ZNF320: variants seen among roughly 807,000 people sequenced by gnomAD.
The protein encoded by ZNF320 is zinc finger gene 320.
In ZNF320, 2 loss-of-function variants were observed where a neutral mutation model predicts 6.8. That is an observed-to-expected ratio of 0.29 (90% CI 0.12 to 0.93). The LOEUF (loss-of-function observed/expected upper bound fraction) is 0.93, where lower values mean the gene tolerates loss of function less well. Among genes scored for constraint, ZNF320 ranks in the 40% least tolerant of loss-of-function variants. The pLI is 0.55. For synonymous variants in ZNF320, 208 were observed against 203.2 expected (o/e 1.02, Z -0.20); for missense variants, 472 against 611.0 (o/e 0.77, Z 2.40).
rs757081122 is a variant in ZNF320 at position 52,880,531 on chromosome 19, G to A, written c.*65C>T. 6.8e-6 allele frequency: 10 copies of A among 1,466,936 alleles called. No homozygotes were observed. The highest frequency in any genetic ancestry group is 5.3e-5 in the South Asian group (4 of 76,088). The allele number at this position is 1,466,936 out of a possible 1,614,324, so 90.9% of individuals were successfully genotyped here. ...CTCTTAACATAAACAGTTTAATGTCGATTAATGCTTGAAATCAATGTTAAG... is the reference window on the plus strand; with the variant it reads ...CTCTTAACATAAACAGTTTAATGTCAATTAATGCTTGAAATCAATGTTAAG... On this transcript the variant is annotated 3_prime_UTR_variant, in exon 6 of 6. Transcript: ENST00000682928.
chr19:52,902,440 T>G (rs1039454551), upstream of ZNF320, among the ~76,000 whole-genome samples: 16 of 152,250 alleles, frequency 1.1e-4, no homozygotes, highest in Non-Finnish European at 2.9e-5. Context: ...TGCACAAGCA[T>G]AACAATTGCT....
chr19:52,886,618 G>T (rs34758976), intron 5 of ZNF320, among the ~76,000 whole-genome samples: 22,252 of 152,082 alleles, frequency 0.15, 1,811 homozygotes, highest in East Asian at 0.27. Context: ...TGTTTACTAA[G>T]AACTAAAAGA....
Position 52,881,515 on chromosome 19 carries a change from A to G in ZNF320, c.611T>C (p.Leu204Pro), listed in dbSNP as rs144964547. 1,141 of 1,614,114 alleles carry G rather than the reference A, an allele frequency of 7.1e-4. 5 individuals are homozygous for G. The Middle Eastern group carries it at 7.1e-3, about 10-fold the overall frequency. ...CCTGTGAATTCTAGTATGTTTTGCC[A>G]GGTGTGAATCATGCTTAAAAGCCTT... is the stretch of plus-strand genomic sequence containing the variant. ...CDKAFKHDSH[L>P]AKHTRIHRGD... Residue 204 changes from leucine to proline, a missense_variant, in exon 6 of 6, where the codon CTG becomes CCG. Physicochemically the swap from Leu to Pro is moderately conservative, Grantham distance 98. Transcript: ENST00000682928.
upstream of ZNF320, among the ~76,000 whole-genome samples, chr19:52,902,141 G>A (rs556769987): frequency 1.4e-3 from 218 of 152,252 alleles, no homozygotes; most frequent in African/African-American, 4.8e-3. Context: ...AGGGCTGACC[G>A]ATTGATAAGC....
At chr19:52,884,671 C>G (rs867601250) in intron 5 of ZNF320, among the ~76,000 whole-genome samples, 8 of 152,136 alleles carry the variant, frequency 5.3e-5, no homozygotes, top group Middle Eastern at 3.4e-3. Context: ...AGACTGTTTT[C>G]AAACTCCTGA....
intron 5 of ZNF320, among the ~76,000 whole-genome samples, chr19:52,866,078 TTATACATATATTTATATA>T: frequency 1.2e-5 from 1 of 80,086 alleles, no homozygotes; most frequent in Non-Finnish European, 2.4e-5. Context: ...ATATATATGA[TTATACATATATTTATATA>T]TGTATGATTA....
At chr19:52,872,525 C>T (rs890646139), downstream of ZNF320, among the ~76,000 whole-genome samples, 4 of 152,140 alleles carry the variant, frequency 2.6e-5, no homozygotes, top group Non-Finnish European at 5.9e-5. Flanking sequence ...TTATTTGAGA[C>T]AGAGTTTTGC....
At chr19:52,887,269 C>G (rs1401864468) in intron 5 of ZNF320, among the ~76,000 whole-genome samples, 2 of 152,068 alleles carry the variant, frequency 1.3e-5, no homozygotes, top group Non-Finnish European at 2.9e-5. Flanking sequence ...TCACTTAACT[C>G]TCCACAGTCC....
chr19:52,871,972 C>T (rs528991443), downstream of ZNF320, among the ~76,000 whole-genome samples: 42 of 152,328 alleles, frequency 2.8e-4, 1 homozygote, highest in South Asian at 8.1e-3. Flanking sequence ...CCCCCTTCGT[C>T]TTCATTACTG....
chr19:52,878,090 C>G lies in ZNF320; in HGVS notation c.*2506G>C. On this transcript the variant is annotated 3_prime_UTR_variant, in exon 6 of 6. Transcript: ENST00000682928. Reference sequence around the variant, plus strand: ...TGACATTTTCAGCTTGATATGGTAACGTGACTGAATCTTCAGACAGCATGA... The same window carrying G: ...TGACATTTTCAGCTTGATATGGTAAGGTGACTGAATCTTCAGACAGCATGA... 4.9e-6 allele frequency: 1 copy of G among 202,460 alleles called. No homozygotes were observed. The highest frequency in any genetic ancestry group is 9.5e-5 in the South Asian group (1 of 10,582). The allele number at this position is 202,460 out of a possible 1,614,324, so 12.5% of individuals were successfully genotyped here.
intron 5 of ZNF320, among the ~76,000 whole-genome samples, chr19:52,882,948 A>AG (rs1444588858): frequency 6.6e-6 from 1 of 152,174 alleles, no homozygotes; most frequent in Non-Finnish European, 1.5e-5. Flanking sequence ...CTCAAAAAAA[A>AG]AAGAAAATGT....
At chr19:52,870,510 A>G (rs554993763) in intron 5 of ZNF320, among the ~76,000 whole-genome samples, 1 of 149,682 alleles carries the variant, frequency 6.7e-6, no homozygotes, top group African/African-American at 2.4e-5. Flanking sequence ...AATACTTAAG[A>G]TCATTACAAT....
At chr19:52,902,234 T>A (rs1425068597), upstream of ZNF320, among the ~76,000 whole-genome samples, 1 of 152,212 alleles carries the variant, frequency 6.6e-6, no homozygotes, top group African/African-American at 2.4e-5. Flanking sequence ...ATACAAGAAG[T>A]GAACTTAGTA....
At position 52,886,976 on chromosome 19, in the gene ZNF320, A is replaced by AGG. The variant is rs1381379480; in HGVS notation, c.142+1150_142+1151insCC. Among the ~76,000 whole-genome samples, 653 of 105,394 alleles carry AGG rather than the reference A, an allele frequency of 6.2e-3. 6 individuals are homozygous for AGG. Among genetic ancestry groups the AGG allele is most frequent in the African/African-American group, 0.02 (568 of 27,982 alleles). 69.1% of individuals were successfully genotyped at this position (105,394 alleles called of 152,430 possible). On this transcript the variant is annotated intron_variant, in intron 5 of 5. Coordinates refer to ENST00000682928, the MANE Select transcript of ZNF320 (RefSeq NM_001351774.2). ...AAGAAAGAAAGAAAGAAAAGAAAGA[A>AGG]AGAAGGAAGGAAGGAAGGAAGGAAG...
rs1251184158 is a variant in ZNF320, at chr19:52,878,412, GCTAAT to G, written c.*2179_*2183del. On this transcript the variant is annotated 3_prime_UTR_variant, in exon 6 of 6. Transcript: ENST00000682928. ...CTACAGGCGCCCACAACCACGCCTG[GCTAAT>G]TTTTTGTATTTTTAGTAGAGATGGG... 2 of 151,976 alleles carry G rather than the reference GCTAAT, an allele frequency of 1.3e-5. No individual in the cohort carries two copies. The highest frequency in any genetic ancestry group is 4.8e-5 in the African/African-American group (2 of 41,306). 9.4% of individuals were successfully genotyped at this position (151,976 alleles called of 1,614,324 possible).
Position 52,889,928 on chromosome 19 carries a change from T to A in ZNF320, c.15+313A>T, listed in dbSNP as rs1162334763. ...TGGTCCACGGAGAGCTGACAGAGCATCCAGATGTGGCCCCTGAACAATCCC... is the reference window on the plus strand; with the variant it reads ...TGGTCCACGGAGAGCTGACAGAGCAACCAGATGTGGCCCCTGAACAATCCC... On this transcript the variant is annotated intron_variant, in intron 4 of 5. Coordinates refer to ENST00000682928, the MANE Select transcript of ZNF320 (RefSeq NM_001351774.2). 1.3e-5 allele frequency among the ~76,000 whole-genome samples: 2 copies of A among 152,142 alleles called. 1 individual carries two copies. The highest frequency in any genetic ancestry group is 4.8e-5 in the African/African-American group (2 of 41,416).
chr19:52,886,942 A>G (rs971606861), intron 5 of ZNF320, among the ~76,000 whole-genome samples: 6 of 149,622 alleles, frequency 4.0e-5, no homozygotes, highest in Non-Finnish European at 7.4e-5. Context: ...AAAGAAAAAG[A>G]AAGAAAAGAA....
chr19:52,902,157 A>C (rs769833615), upstream of ZNF320, among the ~76,000 whole-genome samples: 2 of 152,214 alleles, frequency 1.3e-5, no homozygotes, highest in Non-Finnish European at 2.9e-5. Flanking sequence ...TAAGCTCTTG[A>C]AAATTCTTAA....
upstream of ZNF320, among the ~76,000 whole-genome samples, chr19:52,902,472 A>G (rs1356691993): frequency 6.6e-6 from 1 of 152,204 alleles, no homozygotes; most frequent in African/African-American, 2.4e-5. Context: ...TGCAGATGGA[A>G]TATTTGATCT....
Sources: allele counts gnomAD v4.1 joint callset (sites outside exome capture counted in the v4.1 genomes callset), GRCh38; gene constraint gnomAD v4.1.1; transcripts MANE v1.5; gene names NCBI Gene and HGNC (gene_info 2026-07-23, HGNC 2026-07-21).